DLG2: variants seen among roughly 807,000 people sequenced by gnomAD.
DLG2 encodes the protein disks large homolog 2.
Under a neutral mutation model 132.5 loss-of-function variants are expected in DLG2, and 45 were observed. That is an observed-to-expected ratio of 0.34 (90% CI 0.27 to 0.44). The LOEUF is 0.44. Ranked by LOEUF, DLG2 falls within the 20% of genes least tolerant of loss-of-function variation. The pLI, the probability that DLG2 is intolerant of heterozygous loss-of-function variation, is 1.00. For missense variants in DLG2, 1,045 were observed against 1,196.9 expected, an observed-to-expected ratio of 0.87 and a Z score of 1.87; for synonymous variants, 424 against 419.6, an observed-to-expected ratio of 1.01 and a Z score of -0.13.
intron 4 of DLG2, among the ~76,000 whole-genome samples, chr11:85,198,032 A>T (rs2081191591): frequency 6.6e-6 from 1 of 152,158 alleles, no homozygotes; most frequent in African/African-American, 2.4e-5. Flanking sequence ...CAGACGAACG[A>T]CATGCATTCT....
At chr11:84,534,767 T>C (rs757178109) in intron 6 of DLG2, 36 bp from the exon 7 acceptor site, 4 of 1,605,306 alleles carry the variant, frequency 2.5e-6, no homozygotes, top group East Asian at 2.2e-5. Flanking sequence ...AGTATGTATA[T>C]ATCAGTGTTT....
intron 18 of DLG2, among the ~76,000 whole-genome samples, chr11:83,731,397 C>T (rs1353748850): frequency 6.6e-6 from 1 of 152,176 alleles, no homozygotes; most frequent in East Asian, 1.9e-4. Flanking sequence ...GTTTAATTTT[C>T]TGTTCCTGTG....
chr11:84,703,575 C>A (rs1674050570), intron 6 of DLG2, among the ~76,000 whole-genome samples: 1 of 151,310 alleles, frequency 6.6e-6, no homozygotes, highest in African/African-American at 2.4e-5. Flanking sequence ...CCACAAAATG[C>A]CCCACACTAA....
intron 21 of DLG2, among the ~76,000 whole-genome samples, chr11:83,522,738 AAG>A (rs1418798406): frequency 6.6e-6 from 1 of 152,002 alleles, no homozygotes; most frequent in Non-Finnish European, 1.5e-5. Context: ...ACATCTCAGA[AAG>A]AGAAGCTATT....
At chr11:84,408,172 G>C (rs1601601502) in intron 7 of DLG2, among the ~76,000 whole-genome samples, 1 of 152,088 alleles carries the variant, frequency 6.6e-6, no homozygotes, top group African/African-American at 2.4e-5. Context: ...AAATAAATCA[G>C]ACATTAGTTA....
intron 3 of DLG2, among the ~76,000 whole-genome samples, chr11:85,350,500 T>C (rs1353348538): frequency 2.0e-5 from 3 of 152,228 alleles, no homozygotes; most frequent in Non-Finnish European, 2.9e-5. Context: ...ATGTCCTGAA[T>C]GGTATTGCCT....
chr11:83,603,606 T>C (rs1207022556), intron 19 of DLG2, among the ~76,000 whole-genome samples: 1 of 150,912 alleles, frequency 6.6e-6, no homozygotes, highest in Non-Finnish European at 1.5e-5. Flanking sequence ...GTTGACACAG[T>C]GGATGAGAAT....
intron 6 of DLG2, among the ~76,000 whole-genome samples, chr11:84,557,127 T>C (rs1015707957): frequency 1.3e-5 from 2 of 152,212 alleles, no homozygotes; most frequent in Non-Finnish European, 2.9e-5. Flanking sequence ...TAAATTATAG[T>C]ATTCAATTAC....
In DLG2 at chr11:84,589,232, A is replaced by G. The variant is rs191317657; in HGVS notation, c.358-54501T>C. Among the ~76,000 whole-genome samples, 71 of 152,294 alleles carry G rather than the reference A, an allele frequency of 4.7e-4. 1 individual carries two copies. Among genetic ancestry groups the G allele is most frequent in the African/African-American group, 1.7e-3 (69 of 41,570 alleles). On this transcript the variant is annotated intron_variant, in intron 6 of 27. Coordinates refer to ENST00000376104, the MANE Select transcript of DLG2 (RefSeq NM_001142699.3). The stretch of plus-strand genomic sequence containing the variant: ...TGAAAATAAATGTCTGTGAGTCTGG[A>G]GAGATAGCAAATCTGGAGAAATATT...
chr11:84,354,629 G>T (rs1217185895), intron 7 of DLG2, among the ~76,000 whole-genome samples: 1 of 152,048 alleles, frequency 6.6e-6, no homozygotes, highest in African/African-American at 2.4e-5. Context: ...CAGAATCAGA[G>T]AATTAAACTC....
At chr11:84,949,467 A>T (rs932608571) in intron 6 of DLG2, among the ~76,000 whole-genome samples, 4 of 148,462 alleles carry the variant, frequency 2.7e-5, no homozygotes, top group Non-Finnish European at 6.0e-5. Flanking sequence ...GCGCTATGGG[A>T]GACTGGAGTT....
Position 85,366,878 on chromosome 11 carries a change from C to G in DLG2, c.41-81513G>C, listed in dbSNP as rs2084597591. 2.0e-5 allele frequency among the ~76,000 whole-genome samples: 3 copies of G among 152,022 alleles called. No homozygotes were observed. In the South Asian group the frequency reaches 6.2e-4, roughly 31 times the overall value. The stretch of plus-strand genomic sequence containing the variant: ...TGAACTTTTCACTTTTTAAGTCAAC[C>G]ATTATTAACTATATTTTTGTGAATT... On this transcript the variant is annotated intron_variant, in intron 3 of 27. Transcript: ENST00000376104.
rs912933713 is a variant in DLG2, at chr11:84,061,684, T to G, written c.750-2200A>C. Among the ~76,000 whole-genome samples, 27 of 152,160 alleles carry G rather than the reference T, an allele frequency of 1.8e-4. 1 individual carries two copies. Among genetic ancestry groups the G allele is most frequent in the African/African-American group, 2.4e-5 (1 of 41,422 alleles). On this transcript the variant is annotated intron_variant, in intron 10 of 27. Transcript: ENST00000376104. ...TTTTGTATCTGTTTTTGTGCATAAC[T>G]TTTCTATACCTGTTTAGTTATAGGA...
chr11:83,523,834 G>A (rs973513055), intron 21 of DLG2, among the ~76,000 whole-genome samples: 6 of 152,162 alleles, frequency 3.9e-5, no homozygotes, highest in African/African-American at 1.2e-4. Context: ...AATGGCAGGG[G>A]CAGGGGGCGG....
intron 3 of DLG2, among the ~76,000 whole-genome samples, chr11:85,289,319 G>A (rs145380360): frequency 4.1e-4 from 62 of 151,984 alleles, no homozygotes; most frequent in African/African-American, 1.4e-3. Context: ...CAGAGTTCAG[G>A]CCCTCGCCAT....
At chr11:85,310,219 T>C (rs1029247277) in intron 3 of DLG2, among the ~76,000 whole-genome samples, 42 of 152,228 alleles carry the variant, frequency 2.8e-4, no homozygotes, top group African/African-American at 8.4e-4. Context: ...TCCTTGAGAA[T>C]ATCTAACACC....
intron 6 of DLG2, among the ~76,000 whole-genome samples, chr11:84,680,162 A>G (rs1372747642): frequency 1.3e-5 from 2 of 152,134 alleles, no homozygotes; most frequent in African/African-American, 2.4e-5. Flanking sequence ...TGTTCAAACC[A>G]TAGTCAACCT....
intron 6 of DLG2, among the ~76,000 whole-genome samples, chr11:84,644,862 G>C (rs530607903): frequency 1.0e-3 from 155 of 152,228 alleles, no homozygotes; most frequent in African/African-American, 3.6e-3. Context: ...CATAGGATAA[G>C]TCAAAGGCCT....
intron 10 of DLG2, among the ~76,000 whole-genome samples, chr11:84,068,383 A>G (rs1945832): frequency 0.87 from 131,871 of 152,218 alleles, 57,386 homozygotes; most frequent in Middle Eastern, 0.93. Flanking sequence ...TTTGTGACCA[A>G]TACTTTACAT....
Sources: allele counts gnomAD v4.1 joint callset (sites outside exome capture counted in the v4.1 genomes callset), GRCh38; gene constraint gnomAD v4.1.1; transcripts MANE v1.5; gene names NCBI Gene and HGNC (gene_info 2026-07-23, HGNC 2026-07-21).